The following KBTBD12 variants were observed in gnomAD, a reference collection of about 807,000 sequenced individuals.
KBTBD12 encodes kelch repeat and BTB domain containing 12, also known as kelch repeat and BTB domain-containing protein 12.
In KBTBD12, 53 loss-of-function variants were observed where a neutral mutation model predicts 58.7. The ratio of observed to expected loss-of-function variants is 0.90; its 90% CI spans 0.72 to 1.14. The LOEUF (loss-of-function observed/expected upper bound fraction) is 1.14. KBTBD12 is among the 50% of genes most tolerant of loss of function. The pLI, the probability that KBTBD12 is intolerant of heterozygous loss-of-function variation, is 0.00. For synonymous variants in KBTBD12, 236 were observed against 259.8 expected (o/e 0.91, Z 0.88); for missense variants, 704 against 751.3 (o/e 0.94, Z 0.74).
At chr3:127,926,716 T>G (rs1178775340) in intron 2 of KBTBD12, among the ~76,000 whole-genome samples, 1 of 152,204 alleles carries the variant, frequency 6.6e-6, no homozygotes, top group African/African-American at 2.4e-5. Context: ...TCGTCTATAC[T>G]TAAAAATTGT....
chr3:127,962,864 T>C (rs1940474053), intron 4 of KBTBD12, among the ~76,000 whole-genome samples: 1 of 152,170 alleles, frequency 6.6e-6, no homozygotes, highest in Non-Finnish European at 1.5e-5. Context: ...ACCTTTACAG[T>C]CAACCCTGAA....
intron 4 of KBTBD12, among the ~76,000 whole-genome samples, chr3:127,943,010 T>TCA (rs1939990272): frequency 6.6e-6 from 1 of 152,140 alleles, no homozygotes; most frequent in African/African-American, 2.4e-5. Context: ...GAGAGAGAAC[T>TCA]CACCACTTTG....
rs753515547 is a variant in KBTBD12, at chr3:127,924,028, G to C, written c.967G>C (p.Val323Leu). 6.2e-7 allele frequency: 1 copy of C among 1,613,790 alleles called. No homozygotes were observed. Residue 323 changes from valine (V) to leucine (L), a missense_variant, in exon 2 of 6, where the codon GTG becomes CTG. Transcript: ENST00000405109. ...CAAGTACGGAGAGGGTTTAGGAACT[G>C]TGTGTACTGGTGTTGTCATGGAAAA... is the stretch of plus-strand genomic sequence containing the variant. ...SPKYGEGLGTVCTGVVMENNT... is the reference protein window; with the variant it reads ...SPKYGEGLGTLCTGVVMENNT...
Position 127,984,321 on chromosome 3 carries a change from C to T in KBTBD12, c.*43C>T. The stretch of plus-strand genomic sequence containing the variant: ...ACCTCCTGCTGTTCTGCAAACAAGG[C>T]CTTCAGAACGGAGAGGGCCCACAGC... On this transcript the variant is annotated 3_prime_UTR_variant, in exon 6 of 6. Coordinates refer to ENST00000405109, the MANE Select transcript of KBTBD12 (RefSeq NM_207335.4). 1 of 1,561,270 alleles carries T rather than the reference C, an allele frequency of 6.4e-7. No homozygotes were observed. The highest frequency in any genetic ancestry group is 8.8e-7 in the Non-Finnish European group (1 of 1,140,160).
chr3:127,941,006 T>C (rs932259106), intron 4 of KBTBD12, among the ~76,000 whole-genome samples: 1 of 152,164 alleles, frequency 6.6e-6, no homozygotes, highest in Non-Finnish European at 1.5e-5. Context: ...CCACCTAAGA[T>C]AAAAGATATA....
At chr3:127,962,218 C>A (rs1378043867) in intron 4 of KBTBD12, among the ~76,000 whole-genome samples, 1 of 152,242 alleles carries the variant, frequency 6.6e-6, no homozygotes, top group Non-Finnish European at 1.5e-5. Context: ...ACCTCAGTCT[C>A]AGGAGCCATC....
At chr3:127,921,856 T>C (rs2107587320) in intron 1 of KBTBD12, among the ~76,000 whole-genome samples, 1 of 152,262 alleles carries the variant, frequency 6.6e-6, no homozygotes, top group South Asian at 2.1e-4. Flanking sequence ...AACAGGACCA[T>C]TTCACTTCTC....
At chr3:127,935,222 C>T (rs2107595890) in intron 4 of KBTBD12, among the ~76,000 whole-genome samples, 1 of 152,178 alleles carries the variant, frequency 6.6e-6, no homozygotes, top group South Asian at 2.1e-4. Context: ...CCCAAACCAT[C>T]ATTAAGTTGG....
intron 4 of KBTBD12, among the ~76,000 whole-genome samples, chr3:127,958,639 G>A (rs1166811201): frequency 7.9e-5 from 12 of 152,108 alleles, no homozygotes; most frequent in East Asian, 3.9e-4. Flanking sequence ...ATGTCCACTC[G>A]GAAGTTATCA....
At position 127,915,584 on chromosome 3, in the gene KBTBD12, T is replaced by G. The variant is rs1939211731; in HGVS notation, c.-115T>G. On this transcript the variant is annotated splice_region_variant and 5_prime_UTR_variant, in exon 1 of 6. Transcript: ENST00000405109. ...GACGCGCCCCGAACCAGGCAGCACC[T>G]TCGTAAGTAGGGGTAGCGCCCCGGG... 6.6e-6 allele frequency: 1 copy of G among 152,278 alleles called. No individual in the cohort carries two copies. The highest frequency in any genetic ancestry group is 1.5e-5 in the Non-Finnish European group (1 of 68,112). 9.4% of individuals were successfully genotyped at this position (152,278 alleles called of 1,614,324 possible). A position where few individuals can be genotyped will look rare whatever the true frequency, so the allele number is the denominator to read the frequency against.
intron 1 of KBTBD12, among the ~76,000 whole-genome samples, chr3:127,919,303 T>C (rs1939340660): frequency 6.6e-6 from 1 of 152,158 alleles, no homozygotes; most frequent in Non-Finnish European, 1.5e-5. Context: ...CGATCTTGGC[T>C]CACTGCAACC....
chr3:127,979,686 T>C (rs1436847658), intron 5 of KBTBD12, among the ~76,000 whole-genome samples: 1 of 152,240 alleles, frequency 6.6e-6, no homozygotes, highest in Non-Finnish European at 1.5e-5. Context: ...ATTTCCCTCA[T>C]CACAGTGAGT....
At position 127,927,894 on chromosome 3, in the gene KBTBD12, C is replaced by G. The variant is rs763050536; in HGVS notation, c.1201C>G (p.Leu401Val). ...ACAGATGAAAATTAAAAACCAGTAT[C>G]TTATTACAAACTGTGTTGATAAGTA... ...GGQMKIKNQY[L>V]ITNCVDKYSV... is the part of the protein sequence containing the mutation. Residue 401 changes from leucine (L) to valine (V), a missense_variant, in exon 3 of 6, where the codon CTT becomes GTT. Transcript: ENST00000405109. The G allele has an allele frequency of 1.2e-6, 2 of 1,613,504 alleles. No homozygotes were observed. Among genetic ancestry groups the G allele is most frequent in the Non-Finnish European group, 1.7e-6 (2 of 1,179,576 alleles).
At chr3:127,957,358 G>A (rs1940340026) in intron 4 of KBTBD12, among the ~76,000 whole-genome samples, 1 of 152,160 alleles carries the variant, frequency 6.6e-6, no homozygotes, top group South Asian at 2.1e-4. Flanking sequence ...TTGCCTTCAA[G>A]GACTTATAAA....
At chr3:127,928,167 A>C (rs746065456) in intron 3 of KBTBD12, 133 bp downstream of exon 3, 38 of 758,386 alleles carry the variant, frequency 5.0e-5, no homozygotes, top group African/African-American at 2.1e-4. Flanking sequence ...GTTTTATAGA[A>C]TATAACTCAA....
chr3:127,984,374 G>A lies in KBTBD12; in HGVS notation c.*96G>A. ...CTCTGTCATGCCAGTCATGTGCACT[G>A]CATGCGTAGTGGCCTGTGTGTGAAG... On this transcript the variant is annotated 3_prime_UTR_variant, in exon 6 of 6. Coordinates refer to ENST00000405109, the MANE Select transcript of KBTBD12 (RefSeq NM_207335.4). 8.7e-7 allele frequency: 1 copy of A among 1,145,360 alleles called. No individual in the cohort carries two copies. The highest frequency in any genetic ancestry group is 1.3e-6 in the Non-Finnish European group (1 of 795,434). 70.9% of individuals were successfully genotyped at this position (1,145,360 alleles called of 1,614,324 possible).
At chr3:127,978,833 A>G (rs926103258) in intron 5 of KBTBD12, among the ~76,000 whole-genome samples, 1 of 152,232 alleles carries the variant, frequency 6.6e-6, no homozygotes, top group African/African-American at 2.4e-5. Flanking sequence ...CAGAGCAAAG[A>G]ATCCAAAGCT....
chr3:127,924,324 A>G (rs1939512772), intron 2 of KBTBD12, among the ~76,000 whole-genome samples, 193 bp downstream of exon 2: 1 of 148,856 alleles, frequency 6.7e-6, no homozygotes, highest in African/African-American at 2.4e-5. Flanking sequence ...ATATATATAT[A>G]TAATCTATAA....
intron 4 of KBTBD12, among the ~76,000 whole-genome samples, chr3:127,945,778 A>G (rs899977684): frequency 1.3e-5 from 2 of 151,344 alleles, no homozygotes; most frequent in African/African-American, 4.9e-5. Context: ...TCCCAGGTTC[A>G]AGCGACTTTT....
Sources: allele counts gnomAD v4.1 joint callset (sites outside exome capture counted in the v4.1 genomes callset), GRCh38; gene constraint gnomAD v4.1.1; transcripts MANE v1.5; gene names NCBI Gene and HGNC (gene_info 2026-07-23, HGNC 2026-07-21).